ASTN1: variants seen among roughly 807,000 people sequenced by gnomAD.
ASTN1 encodes astrotactin-1.
In ASTN1, 41 loss-of-function variants were observed where a neutral mutation model predicts 140.7. The observed-to-expected ratio is 0.29, with a 90% CI of 0.23 to 0.38. The LOEUF (loss-of-function observed/expected upper bound fraction) is 0.38. ASTN1 is among the 10% of genes least tolerant of loss of function. ASTN1 has a pLI of 1.00. For missense variants in ASTN1, 1,479 were observed against 1,678.8 expected, an observed-to-expected ratio of 0.88 and a Z score of 2.08; for synonymous variants, 640 against 652.2, an observed-to-expected ratio of 0.98 and a Z score of 0.29.
chr1:176,913,435 G>A (rs1276009750), intron 16 of ASTN1, among the ~76,000 whole-genome samples: 1 of 152,196 alleles, frequency 6.6e-6, no homozygotes, highest in African/African-American at 2.4e-5. Context: ...GCTAGGTACT[G>A]TGGGAGCTGT....
chr1:177,081,298 T>G (rs1484437330), intron 1 of ASTN1, among the ~76,000 whole-genome samples: 1 of 152,180 alleles, frequency 6.6e-6, no homozygotes, highest in Non-Finnish European at 1.5e-5. Context: ...ATTTTACTTT[T>G]TATGAATTGT....
intron 1 of ASTN1, among the ~76,000 whole-genome samples, chr1:177,152,921 C>A (rs1452956113): frequency 1.3e-5 from 2 of 152,022 alleles, no homozygotes; most frequent in African/African-American, 4.8e-5. Context: ...GAAATAGACC[C>A]AAATGTATTA....
chr1:177,118,694 C>A (rs1480826551), intron 1 of ASTN1, among the ~76,000 whole-genome samples: 1 of 152,156 alleles, frequency 6.6e-6, no homozygotes. Flanking sequence ...TCAGGCCTGT[C>A]CACCCTCTCA....
chr1:176,863,618 G>T lies in ASTN1; in HGVS notation c.*666C>A. 1.0e-6 allele frequency: 1 copy of T among 985,582 alleles called. No homozygotes were observed. Among genetic ancestry groups the T allele is most frequent in the Non-Finnish European group, 1.2e-6 (1 of 830,064 alleles). The allele number at this position is 985,582 out of a possible 1,614,324, so 61.1% of individuals were successfully genotyped here. A position where few individuals can be genotyped will look rare whatever the true frequency, so the allele number is the denominator to read the frequency against. ...TCTGACAGAGGGAGATTTAATCCCAGTCCTGGCTTAAAATAAGGAAGGATC... is the reference window on the plus strand; with the variant it reads ...TCTGACAGAGGGAGATTTAATCCCATTCCTGGCTTAAAATAAGGAAGGATC... On this transcript the variant is annotated 3_prime_UTR_variant, in exon 23 of 23. Coordinates refer to ENST00000361833, the MANE Select transcript of ASTN1 (RefSeq NM_004319.3).
chr1:177,144,790 C>A (rs916902878), intron 1 of ASTN1, among the ~76,000 whole-genome samples: 1 of 152,042 alleles, frequency 6.6e-6, no homozygotes, highest in East Asian at 1.9e-4. Context: ...TATGCCCTAG[C>A]ATCCCAGTCT....
rs1647577807 is a variant in ASTN1, at chr1:177,164,342, TGGGGG to T, written c.283+47_283+51del. 9.8e-6 allele frequency: 12 copies of T among 1,226,304 alleles called. No homozygotes were observed. The Admixed American group carries it at 1.9e-4, about 19-fold the overall frequency. 76.0% of individuals were successfully genotyped at this position (1,226,304 alleles called of 1,614,324 possible). ...GTGTAGAGCGAGCTGGAGTGGGGGG[TGGGGG>T]CGCCGGTCCAGCGCCTCCGGCCGCC... On this transcript the variant is annotated intron_variant, in intron 1 of 22. Transcript: ENST00000361833.
At chr1:176,995,293 G>C (rs1674385821) in intron 8 of ASTN1, among the ~76,000 whole-genome samples, 1 of 152,170 alleles carries the variant, frequency 6.6e-6, no homozygotes, top group South Asian at 2.1e-4. Flanking sequence ...ATAGTTATCA[G>C]ATCATTATAA....
chr1:176,985,775 ATTTTTATTTTATTTTCAAACTG>A (rs1365195775), intron 8 of ASTN1, among the ~76,000 whole-genome samples: 1 of 148,896 alleles, frequency 6.7e-6, no homozygotes, highest in Non-Finnish European at 1.5e-5. Flanking sequence ...ATTAAGTAGG[ATTTTTATTTTATTTTCAAACTG>A]TCATCTTTAG....
At position 176,927,985 on chromosome 1, in the gene ASTN1, T is replaced by C. The variant is rs560673538; in HGVS notation, c.2671+6167A>G. Reference sequence around the variant, plus strand: ...GCAAACAGATAATTTATTTTGAGATTACATGTACATGTTTCTCTATAAATA... The same window carrying C: ...GCAAACAGATAATTTATTTTGAGATCACATGTACATGTTTCTCTATAAATA... On this transcript the variant is annotated intron_variant, in intron 16 of 22. Transcript: ENST00000361833. 9.9e-5 allele frequency among the ~76,000 whole-genome samples: 15 copies of C among 152,120 alleles called. No homozygotes were observed. The South Asian group carries it at 2.7e-3, about 27-fold the overall frequency.
intron 1 of ASTN1, among the ~76,000 whole-genome samples, chr1:177,102,305 A>G (rs147476658): frequency 2.9e-4 from 44 of 152,324 alleles, no homozygotes; most frequent in African/African-American, 9.1e-4. Flanking sequence ...GGTAGGTACT[A>G]TTGGTCTATT....
intron 2 of ASTN1, among the ~76,000 whole-genome samples, chr1:177,044,739 G>A (rs1016264873): frequency 6.6e-6 from 1 of 152,208 alleles, no homozygotes; most frequent in Non-Finnish European, 1.5e-5. Flanking sequence ...TGACAAGGCC[G>A]ACATCATCCG....
intron 1 of ASTN1, among the ~76,000 whole-genome samples, chr1:177,121,642 T>C (rs1341160851): frequency 2.0e-5 from 3 of 152,256 alleles, no homozygotes; most frequent in Admixed American, 6.5e-5. Context: ...AAGTTAGCAT[T>C]TCCTCCACCT....
intron 14 of ASTN1, among the ~76,000 whole-genome samples, chr1:176,939,967 A>G (rs1671646277): frequency 6.6e-6 from 1 of 152,100 alleles, no homozygotes; most frequent in African/African-American, 2.4e-5. Flanking sequence ...TCAGGGATAT[A>G]TGTATATTGC....
chr1:177,010,562 T>C (rs572855683), intron 8 of ASTN1, among the ~76,000 whole-genome samples: 49 of 152,232 alleles, frequency 3.2e-4, no homozygotes, highest in Non-Finnish European at 6.2e-4. Context: ...GAATAGGACC[T>C]TCTTGTGCAC....
intron 1 of ASTN1, among the ~76,000 whole-genome samples, chr1:177,140,753 G>A (rs72720731): frequency 7.8e-4 from 119 of 152,318 alleles, no homozygotes; most frequent in Non-Finnish European, 1.4e-3. Flanking sequence ...ATGTTAAGGT[G>A]AGAAGTGCTA....
intron 5 of ASTN1, among the ~76,000 whole-genome samples, chr1:177,025,374 A>G (rs1213411606): frequency 1.3e-5 from 2 of 151,262 alleles, no homozygotes; most frequent in Non-Finnish European, 1.5e-5. Context: ...ATTAAGAAAC[A>G]CTCCTGGGGA....
intron 16 of ASTN1, among the ~76,000 whole-genome samples, chr1:176,918,719 C>T (rs906187321): frequency 2.0e-5 from 3 of 152,110 alleles, no homozygotes; most frequent in African/African-American, 7.2e-5. Flanking sequence ...CTCTGGCTTC[C>T]CCTGAAGCCA....
At chr1:176,985,460 C>A (rs1043104362) in intron 8 of ASTN1, among the ~76,000 whole-genome samples, 2 of 152,154 alleles carry the variant, frequency 1.3e-5, no homozygotes, top group Admixed American at 6.5e-5. Flanking sequence ...GCACCCCTCA[C>A]ACTCTTTGCA....
chr1:177,131,535 T>C (rs1023688618), intron 1 of ASTN1, among the ~76,000 whole-genome samples: 1 of 152,170 alleles, frequency 6.6e-6, no homozygotes, highest in Non-Finnish European at 1.5e-5. Context: ...ATTACATTTT[T>C]TTTTTAGATT....
Sources: allele counts gnomAD v4.1 joint callset (sites outside exome capture counted in the v4.1 genomes callset), GRCh38; gene constraint gnomAD v4.1.1; transcripts MANE v1.5; gene names NCBI Gene and HGNC (gene_info 2026-07-23, HGNC 2026-07-21).